Variants in GLIS3 observed in about 807,000 individuals in gnomAD.
GLIS3 encodes zinc finger protein GLIS3.
Under a neutral mutation model 78.6 loss-of-function variants are expected in GLIS3, and 53 were observed. The ratio of observed to expected loss-of-function variants is 0.67; its 90% CI spans 0.54 to 0.85. GLIS3 has a LOEUF of 0.85. Ranked by LOEUF, GLIS3 falls within the 40% of genes least tolerant of loss-of-function variation. The pLI is 0.00. For missense variants in GLIS3, 1,703 were observed against 1,231.1 expected (o/e 1.38, Z -5.74); for synonymous variants, 684 against 509.9 (o/e 1.34, Z -4.60).
chr9:4,321,243 A>G (rs1414256976), intron 2 of GLIS3, among the ~76,000 whole-genome samples: 5 of 137,452 alleles, frequency 3.6e-5, no homozygotes, highest in South Asian at 2.3e-4. Context: ...ACACGGTGAA[A>G]CCCCGTCTCT....
chr9:4,200,541 G>A (rs193241235), intron 2 of GLIS3, among the ~76,000 whole-genome samples: 106 of 152,070 alleles, frequency 7.0e-4, no homozygotes, highest in African/African-American at 2.3e-3. Flanking sequence ...CTATGCACAC[G>A]AACTAGAAAG....
intron 4 of GLIS3, among the ~76,000 whole-genome samples, chr9:4,038,702 C>T (rs1199606675): frequency 2.0e-5 from 3 of 152,264 alleles, no homozygotes; most frequent in East Asian, 3.9e-4. Flanking sequence ...ATAGTTTGGC[C>T]ACACGTATTC....
intron 2 of GLIS3, among the ~76,000 whole-genome samples, chr9:4,170,379 G>A (rs1816268790): frequency 1.3e-5 from 2 of 152,044 alleles, no homozygotes; most frequent in Admixed American, 1.3e-4. Context: ...AGCTGGGCTG[G>A]TCAACAGATC....
At chr9:4,277,319 C>G (rs1412179296) in intron 2 of GLIS3, among the ~76,000 whole-genome samples, 2 of 152,126 alleles carry the variant, frequency 1.3e-5, no homozygotes, top group Non-Finnish European at 2.9e-5. Flanking sequence ...AGCTAGCTAA[C>G]CAACTGACCA....
chr9:4,307,861 C>A (rs1264550650), intron 4 of GLIS3, among the ~76,000 whole-genome samples: 1 of 152,180 alleles, frequency 6.6e-6, no homozygotes, highest in African/African-American at 2.4e-5. Flanking sequence ...AGCCCTGCCA[C>A]ACCTTGATCT....
the GLIS3 span, among the ~76,000 whole-genome samples, chr9:4,366,220 A>C: frequency 6.6e-6 from 1 of 152,202 alleles, no homozygotes; most frequent in Admixed American, 6.5e-5. Flanking sequence ...AACCAAAGCA[A>C]AGCAGTTCAC....
At chr9:4,419,133 T>C in the GLIS3 span, among the ~76,000 whole-genome samples, 1 of 152,236 alleles carries the variant, frequency 6.6e-6, no homozygotes, top group African/African-American at 2.4e-5. Context: ...TTTTGCTTTC[T>C]GACGTCAAAT....
chr9:3,859,206 G>A (rs912302151), intron 8 of GLIS3, among the ~76,000 whole-genome samples: 5 of 152,114 alleles, frequency 3.3e-5, no homozygotes, highest in Admixed American at 2.6e-4. Context: ...TGGTGCAAAA[G>A]CAAACAAACA....
intron 2 of GLIS3, among the ~76,000 whole-genome samples, chr9:4,265,247 G>C (rs570231493): frequency 4.4e-4 from 66 of 151,622 alleles, no homozygotes; most frequent in African/African-American, 1.5e-3. Context: ...GATAGGAAAA[G>C]ATCTGGTTTA....
the GLIS3 span, among the ~76,000 whole-genome samples, chr9:4,401,368 T>A: frequency 6.6e-6 from 1 of 151,968 alleles, no homozygotes; most frequent in South Asian, 2.1e-4. Context: ...CAAGCGATTC[T>A]CCTGCCTCAG....
chr9:4,125,121 T>C (rs891299196), intron 3 of GLIS3, among the ~76,000 whole-genome samples: 2 of 152,216 alleles, frequency 1.3e-5, no homozygotes, highest in African/African-American at 4.8e-5. Flanking sequence ...CTAATCGACA[T>C]TGTGTTGAAA....
intron 4 of GLIS3, among the ~76,000 whole-genome samples, chr9:4,013,028 C>T (rs1285063768): frequency 6.6e-6 from 1 of 152,054 alleles, no homozygotes; most frequent in African/African-American, 2.4e-5. Flanking sequence ...CTGCCTCAGC[C>T]TCCCAAAGTG....
In GLIS3 at chr9:4,118,311, G is replaced by C; in HGVS notation, c.1167C>G (p.Ala389=). 6.3e-7 allele frequency: 1 copy of C among 1,575,754 alleles called. No individual in the cohort carries two copies. The highest frequency in any genetic ancestry group is 8.6e-7 in the Non-Finnish European group (1 of 1,163,122). The change falls in exon 4 of 11, where the codon GCC becomes GCG. Residue 389 remains alanine (A), a synonymous_variant. Transcript: ENST00000381971. This position sits in a 1 kb window ranked among gnomAD's most constrained non-coding sequence, Gnocchi z 4.7. ...LALPAYGEDG[A]LEHERMQQLE... ...GCTGTTGCATGCGCTCGTGCTCCAG[G>C]GCCCCGTCCTCGCCGTAGGCCGGCA...
intron 4 of GLIS3, among the ~76,000 whole-genome samples, chr9:4,038,003 T>C (rs1418595732): frequency 6.6e-6 from 1 of 152,132 alleles, no homozygotes; most frequent in Non-Finnish European, 1.5e-5. Flanking sequence ...AGATAGCCCA[T>C]CTGTCTTTGT....
the GLIS3 span, among the ~76,000 whole-genome samples, chr9:4,456,493 A>G: frequency 6.6e-6 from 1 of 152,246 alleles, no homozygotes; most frequent in Non-Finnish European, 1.5e-5. Flanking sequence ...GCTATCAGCA[A>G]TATGGCTATT....
At chr9:3,882,475 G>C (rs1332210412) in intron 7 of GLIS3, among the ~76,000 whole-genome samples, 1 of 149,644 alleles carries the variant, frequency 6.7e-6, no homozygotes, top group East Asian at 2.0e-4. Flanking sequence ...TGCTACGGCT[G>C]GTGCATTAGC....
intron 4 of GLIS3, among the ~76,000 whole-genome samples, chr9:4,011,893 C>A (rs951722083): frequency 6.6e-6 from 1 of 151,996 alleles, no homozygotes; most frequent in Non-Finnish European, 1.5e-5. Flanking sequence ...CTTTCCAGCA[C>A]TGCTTTCAAA....
chr9:4,385,785 GAA>G, the GLIS3 span, among the ~76,000 whole-genome samples: 1,291 of 77,302 alleles, frequency 0.017, 102 homozygotes, highest in African/African-American at 0.067. Flanking sequence ...AAGAAAGAAA[GAA>G]AGAAAGAAAG....
In GLIS3 at chr9:3,828,083, G is replaced by C. The variant is rs897539394; in HGVS notation, c.*189C>G. ...GTCCAGGAAAACCAGAGAGAAAAAGGAGCAACTGTAATGATTCCTGCAAAG... is the reference window on the plus strand; with the variant it reads ...GTCCAGGAAAACCAGAGAGAAAAAGCAGCAACTGTAATGATTCCTGCAAAG... On this transcript the variant is annotated 3_prime_UTR_variant, in exon 11 of 11. Coordinates refer to ENST00000381971, the MANE Select transcript of GLIS3 (RefSeq NM_001042413.2). 7.7e-6 allele frequency: 5 copies of C among 647,954 alleles called. No individual in the cohort carries two copies. Among genetic ancestry groups the C allele is most frequent in the Non-Finnish European group, 1.3e-5 (5 of 372,324 alleles). The allele number at this position is 647,954 out of a possible 1,614,324, so 40.1% of individuals were successfully genotyped here.
Sources: gnomAD v4.1 joint callset for allele counts (sites outside exome capture counted in the v4.1 genomes callset) on GRCh38, gnomAD v4.1.1 for gene constraint, Gnocchi (gnomAD v3.1) non-coding constraint, MANE v1.5 for transcripts, NCBI Gene and HGNC (gene_info 2026-07-23, HGNC 2026-07-21) for gene names.